CACNA1F: variants seen among roughly 807,000 people sequenced by gnomAD.
The protein encoded by CACNA1F is calcium voltage-gated channel subunit alpha1 F, also known as voltage-dependent L-type calcium channel subunit alpha-1F.
CACNA1F carries 59 observed loss-of-function variants against 143.8 expected under a neutral mutation model. The observed-to-expected ratio is 0.41, with a 90% CI of 0.33 to 0.51. CACNA1F has a LOEUF of 0.51. Among genes scored for constraint, CACNA1F ranks in the 20% least tolerant of loss-of-function variants. The pLI is 0.22. For synonymous variants in CACNA1F, 643 were observed against 649.1 expected (o/e 0.99, Z 0.14); for missense variants, 1,411 against 1,647.5 (o/e 0.86, Z 2.48).
At position 49,213,011 on chromosome X, in the gene CACNA1F, C is replaced by T; in HGVS notation, c.3793-17G>A. On this transcript the variant is annotated splice_polypyrimidine_tract_variant and intron_variant, in intron 31 of 47. Coordinates refer to ENST00000323022, the MANE Select transcript of CACNA1F (RefSeq NM_001256789.3). ...GCCACCATTCTGGAGGGAGATATGG[C>T]CAAGAAAAAGGTGATACAGGAGATG... is the stretch of plus-strand genomic sequence containing the variant. 2 of 1,193,815 alleles carry T rather than the reference C, an allele frequency of 1.7e-6. No individual in the cohort carries two copies. Among genetic ancestry groups the T allele is most frequent in the Non-Finnish European group, 2.3e-6 (2 of 882,612 alleles).
At chrX:49,217,536 C>T (rs1255469046) in intron 26 of CACNA1F, among the ~76,000 whole-genome samples, 1 of 110,047 alleles carries the variant, frequency 9.1e-6, no homozygotes, top group African/African-American at 3.3e-5. Flanking sequence ...ATGGTGATTG[C>T]TAATGGGTCT....
intron 1 of CACNA1F, among the ~76,000 whole-genome samples, 194 bp downstream of exon 1, chrX:49,233,091 G>T (rs1272196420): frequency 9.2e-6 from 1 of 109,166 alleles, no homozygotes; most frequent in Non-Finnish European, 1.9e-5. Flanking sequence ...CATGGGGGGT[G>T]GTGTCTGGGT....
chrX:49,231,689 G>T lies in CACNA1F; in HGVS notation c.264C>A (p.Ile88=), dbSNP rs142470309. The change falls in exon 2 of 48, where the codon ATC becomes ATA. Residue 88 remains isoleucine, a synonymous_variant. Transcript: ENST00000323022. ...GCCTTCCAGGATGCTTCCACTCCAC[G>T]ATGCTGATGCAGGACCGTCGCAGAG... ...ANPLRRSCIS[I]VEWKPFDILI... is the part of the protein sequence containing the mutation. 2.5e-6 allele frequency: 3 copies of T among 1,211,750 alleles called. No individual in the cohort carries two copies. The highest frequency in any genetic ancestry group is 1.7e-5 in the African/African-American group (1 of 57,874).
At position 49,222,787 on chromosome X, in the gene CACNA1F, A is replaced by T; in HGVS notation, c.2137T>A (p.Tyr713Asn). ...ATTCCTGGGAAGAAGGGGCCACCATATGCCATGATACCATCATACATGACC... is the reference window on the plus strand; with the variant it reads ...ATTCCTGGGAAGAAGGGGCCACCATTTGCCATGATACCATCATACATGACC... Reference protein sequence around the residue: ...NVVMYDGIMAYGGPFFPGMLV... With the variant: ...NVVMYDGIMANGGPFFPGMLV... The change falls in exon 16 of 48, where the codon TAT becomes AAT. Residue 713 changes from tyrosine (Y) to asparagine (N), a missense_variant. Tyr to Asn is a moderately radical substitution (Grantham distance 143). Transcript: ENST00000323022. The T allele has an allele frequency of 8.3e-7, 1 of 1,209,882 alleles. No individual in the cohort carries two copies.
At chrX:49,232,025 G>C in intron 1 of CACNA1F, 98 bp from the exon 2 acceptor site, 20 of 886,561 alleles carry the variant, frequency 2.3e-5, no homozygotes, top group Non-Finnish European at 2.6e-5. Context: ...AAGGAGAGAA[G>C]AGCATGGAAA....
Position 49,230,945 on chromosome X carries a change from C to G in CACNA1F, c.426G>C (p.Thr142=). The G allele has an allele frequency of 1.7e-6, 2 of 1,194,691 alleles. No homozygotes were observed. Among genetic ancestry groups the G allele is most frequent in the Non-Finnish European group, 2.3e-6 (2 of 885,118 alleles). The part of the protein sequence containing the change: ...YVFLVIFTVE[T]VLKIVAYGLV... Reference sequence around the variant, plus strand: ...GCCCGTAGGCCACGATCTTGAGCACCGTCTCCACAGTGAAAATCACCAGGA... The same window carrying G: ...GCCCGTAGGCCACGATCTTGAGCACGGTCTCCACAGTGAAAATCACCAGGA... Residue 142 remains threonine, a synonymous_variant, in exon 4 of 48, where the codon ACG becomes ACC. Transcript: ENST00000323022.
rs782377005 is a variant in CACNA1F, at chrX:49,230,469, G to C, written c.662C>G (p.Pro221Arg). The change falls in exon 5 of 48, where the codon CCG (proline) becomes CGG (arginine). Residue 221 changes from proline to arginine, a missense_variant and splice_region_variant. By Grantham distance (103) the Pro-to-Arg change is moderately radical. Coordinates refer to ENST00000323022, the MANE Select transcript of CACNA1F (RefSeq NM_001256789.3). Reference sequence around the variant, plus strand: ...ACCTCGGGGGATGTGCCACTCACTCGGGACCCCAGACACCAGCCTCAGTGG... The same window carrying C: ...ACCTCGGGGGATGTGCCACTCACTCCGGACCCCAGACACCAGCCTCAGTGG... ...LRPLRLVSGV[P>R]SLHIVLNSIM... 23 of 1,205,581 alleles carry C rather than the reference G, an allele frequency of 1.9e-5. No individual in the cohort carries two copies. In the African/African-American group the frequency reaches 2.1e-4, roughly 11 times the overall value.
At chrX:49,209,153 G>C in intron 42 of CACNA1F, 109 bp downstream of exon 42, 1 of 927,202 alleles carries the variant, frequency 1.1e-6, no homozygotes. Flanking sequence ...CTATTGCAGA[G>C]GGGGCTTCTC....
Position 49,208,703 on chromosome X carries a change from C to A in CACNA1F, c.4954-19G>T. On this transcript the variant is annotated intron_variant, in intron 42 of 47. Coordinates refer to ENST00000323022, the MANE Select transcript of CACNA1F (RefSeq NM_001256789.3). The stretch of plus-strand genomic sequence containing the variant: ...TCGTGGCCTGTGGAGAGTCACAGGA[C>A]TGAGTGTTGCATGCACTTTGTGGCT... The A allele has an allele frequency of 1.7e-6, 2 of 1,203,350 alleles. No individual in the cohort carries two copies. The highest frequency in any genetic ancestry group is 2.3e-6 in the Non-Finnish European group (2 of 888,577).
At chrX:49,224,690 T>C in intron 14 of CACNA1F, 71 bp downstream of exon 14, 1 of 661,554 alleles carries the variant, frequency 1.5e-6, no homozygotes, top group Non-Finnish European at 2.4e-6. Context: ...GATGAAGTTA[T>C]CATTGGAGCT....
intron 26 of CACNA1F, among the ~76,000 whole-genome samples, chrX:49,216,963 C>CT (rs1413197188): frequency 5.4e-5 from 6 of 110,250 alleles, no homozygotes; most frequent in Non-Finnish European, 7.6e-5. Flanking sequence ...TCTATTCTCT[C>CT]TTTTTTTTTG....
At position 49,219,402 on chromosome X, in the gene CACNA1F, A is replaced by G; in HGVS notation, c.2592T>C (p.Asn864=). Residue 864 remains asparagine, a synonymous_variant, in exon 21 of 48, where the codon AAT becomes AAC. Transcript: ENST00000323022. ...HTLIHHHVFT[N]LILVFIILSS... is the part of the protein sequence containing the mutation. ...TGAGGATGATGAACACCAGGATAAGATTGGTGAAGACATGATGGTGGATGA... is the reference window on the plus strand; with the variant it reads ...TGAGGATGATGAACACCAGGATAAGGTTGGTGAAGACATGATGGTGGATGA... 8.3e-7 allele frequency: 1 copy of G among 1,208,499 alleles called. No individual in the cohort carries two copies.
In CACNA1F at chrX:49,215,201, C is replaced by T. The variant is rs782553928; in HGVS notation, c.3482G>A (p.Arg1161His). The change falls in exon 29 of 48, where the codon CGT (arginine) becomes CAT (histidine). Residue 1161 changes from arginine to histidine, a missense_variant. Physicochemically the swap from Arg to His is conservative, Grantham distance 29. Coordinates refer to ENST00000323022, the MANE Select transcript of CACNA1F (RefSeq NM_001256789.3). The stretch of plus-strand genomic sequence containing the variant: ...CTGATGCGGGTTCTTGGGGATGTAA[C>T]GGCGGAGTGGCTGGGCCTTGAGGGC... ...EYALKAQPLR[R>H]YIPKNPHQYR... 7.4e-6 allele frequency: 9 copies of T among 1,208,626 alleles called. No individual in the cohort carries two copies. The highest frequency in any genetic ancestry group is 3.5e-5 in the African/African-American group (2 of 56,718).
Position 49,228,916 on chromosome X carries a change from C to A in CACNA1F, c.818-469G>T, listed in dbSNP as rs1401292588. ...ACTTAGCTCCACTTCTAGGGCAGAA[C>A]CCTGCGAGCTCCGTATTCTGAACCA... On this transcript the variant is annotated intron_variant, in intron 6 of 47. Transcript: ENST00000323022. Among the ~76,000 whole-genome samples, 4 of 112,058 alleles carry A rather than the reference C, an allele frequency of 3.6e-5. No homozygotes were observed. In the South Asian group the frequency reaches 1.5e-3, roughly 41 times the overall value.
At chrX:49,231,402 A>G (rs2065877598) in intron 2 of CACNA1F, 95 bp from the exon 3 acceptor site, 3 of 691,474 alleles carry the variant, frequency 4.3e-6, no homozygotes, top group Non-Finnish European at 6.8e-6. Flanking sequence ...CTTGACGCCC[A>G]AGGTGACAGG....
chrX:49,216,964 T>C lies in CACNA1F; in HGVS notation c.3090-436A>G, dbSNP rs983086667. On this transcript the variant is annotated intron_variant, in intron 26 of 47. Coordinates refer to ENST00000323022, the MANE Select transcript of CACNA1F (RefSeq NM_001256789.3). ...TTCTTCTCTTCTTTTCTATTCTCTC[T>C]TTTTTTTTGAGACGGAGTCTTGAAA... Among the ~76,000 whole-genome samples the C allele has an allele frequency of 5.4e-5, 6 of 110,465 alleles. No homozygotes were observed. The Admixed American group carries it at 5.8e-4, about 11-fold the overall frequency.
intron 8 of CACNA1F, among the ~76,000 whole-genome samples, chrX:49,227,409 C>T (rs1213499106): frequency 2.7e-5 from 3 of 111,757 alleles, no homozygotes; most frequent in East Asian, 2.8e-4. Context: ...ACCGCAGCCT[C>T]GACCTCCTGG....
At chrX:49,233,264 G>A (rs1557111682) in intron 1 of CACNA1F, 21 bp downstream of exon 1, 1 of 1,207,370 alleles carries the variant, frequency 8.3e-7, no homozygotes, top group Non-Finnish European at 1.1e-6. Flanking sequence ...AGGGTCTGCA[G>A]GGATGGAAGG....
At chrX:49,218,318 G>C in intron 24 of CACNA1F, 137 bp downstream of exon 24, 1 of 519,990 alleles carries the variant, frequency 1.9e-6, no homozygotes, top group Admixed American at 3.1e-5. Flanking sequence ...ATGGCTAGTG[G>C]TCAGAGATGT....
Sources: gnomAD v4.1 joint callset for allele counts (sites outside exome capture counted in the v4.1 genomes callset) on GRCh38, gnomAD v4.1.1 for gene constraint, MANE v1.5 for transcripts, NCBI Gene and HGNC (gene_info 2026-07-23, HGNC 2026-07-21) for gene names.